MYO18A: variants seen among roughly 807,000 people sequenced by gnomAD.
The protein encoded by MYO18A is unconventional myosin-XVIIIa.
In MYO18A, 78 loss-of-function variants were observed where a neutral mutation model predicts 235.8. That is an observed-to-expected ratio of 0.33 (90% CI 0.28 to 0.40). The LOEUF (loss-of-function observed/expected upper bound fraction) is 0.40. MYO18A is among the 10% of genes least tolerant of loss of function. MYO18A has a pLI of 1.00. For synonymous variants in MYO18A, 977 were observed against 1,077.8 expected, an observed-to-expected ratio of 0.91 and a Z score of 1.83; for missense variants, 2,215 against 2,699.3, an observed-to-expected ratio of 0.82 and a Z score of 3.98.
At chr17:29,085,547 AG>A in intron 40 of MYO18A, 56 bp downstream of exon 40, 1 of 1,549,760 alleles carries the variant, frequency 6.5e-7, no homozygotes, top group African/African-American at 1.4e-5. Context: ...AGCCAGTGTT[AG>A]GGGTGGTTAG....
chr17:29,075,204 C>T (rs1293404016), intron 41 of MYO18A: 1 of 333,050 alleles, frequency 3.0e-6, no homozygotes, highest in Admixed American at 4.0e-5. Flanking sequence ...TCTTAGAAAC[C>T]TTGAATCGCT....
At chr17:29,080,847 A>G (rs8073831) in intron 41 of MYO18A, 565,804 of 985,216 alleles carry the variant, frequency 0.57, 165,569 homozygotes, top group East Asian at 0.89. Context: ...GGGGCCTCTC[A>G]GGGGAGGCCG....
intron 2 of MYO18A, among the ~76,000 whole-genome samples, chr17:29,163,788 C>T (rs1325633562): frequency 6.6e-6 from 1 of 152,244 alleles, no homozygotes; most frequent in East Asian, 1.9e-4. Flanking sequence ...GAGCTGGCAA[C>T]AATCCCCTGG....
At position 29,089,958 on chromosome 17, in the gene MYO18A, C is replaced by G. The variant is rs372792587; in HGVS notation, c.5526+3G>C. On this transcript the variant is annotated splice_donor_region_variant and intron_variant, in intron 37 of 41. Coordinates refer to ENST00000527372, the MANE Select transcript of MYO18A (RefSeq NM_078471.4). ...GTGTGGCCCGGGAGAAGTGTGAACC[C>G]ACCTCCAGCCGTTTCACTTGCGTCC... is the stretch of plus-strand genomic sequence containing the variant. The G allele has an allele frequency of 6.2e-7, 1 of 1,614,012 alleles. No individual in the cohort carries two copies. The highest frequency in any genetic ancestry group is 8.5e-7 in the Non-Finnish European group (1 of 1,179,880).
In MYO18A at chr17:29,111,350, C is replaced by A; in HGVS notation, c.2900+74G>T. 1 of 1,535,766 alleles carries A rather than the reference C, an allele frequency of 6.5e-7. No homozygotes were observed. Among genetic ancestry groups the A allele is most frequent in the South Asian group, 1.2e-5 (1 of 83,566 alleles). On this transcript the variant is annotated intron_variant, in intron 17 of 41. Transcript: ENST00000527372. The surrounding 1 kb of genome is among the most constrained non-coding windows in gnomAD (Gnocchi z 5.1). ...GCTAGTGAGGGGGCCTCTGAGACAA[C>A]CCCAGGGGGAGGGAGCCCCAAAATC... is the stretch of plus-strand genomic sequence containing the variant.
intron 40 of MYO18A, among the ~76,000 whole-genome samples, chr17:29,084,129 G>C (rs1034410191): frequency 6.6e-6 from 1 of 152,146 alleles, no homozygotes; most frequent in Admixed American, 6.5e-5. Flanking sequence ...GCCATCAGCC[G>C]GAACCTGGTT....
At chr17:29,124,372 C>A (rs1414032517) in intron 2 of MYO18A, among the ~76,000 whole-genome samples, 1 of 152,218 alleles carries the variant, frequency 6.6e-6, no homozygotes, top group East Asian at 1.9e-4. Context: ...CCCCCTTGGG[C>A]TCCAGTGGCT....
rs778652284 is a variant in MYO18A at position 29,140,434 on chromosome 17, CCCCGCCCAGTT to C, written c.1000-18192_1000-18182del. The C allele has an allele frequency of 4.8e-5, 61 of 1,258,612 alleles. No individual in the cohort carries two copies. The South Asian group carries it at 7.9e-4, about 16-fold the overall frequency. The allele number at this position is 1,258,612 out of a possible 1,614,324, so 78.0% of individuals were successfully genotyped here. On this transcript the variant is annotated intron_variant, in intron 2 of 41. Coordinates refer to ENST00000527372, the MANE Select transcript of MYO18A (RefSeq NM_078471.4). This position sits in a 1 kb window ranked among gnomAD's most constrained non-coding sequence, Gnocchi z 4.2. ...CAGCTCAAAATAGCACAGGCTGTGG[CCCCGCCCAGTT>C]CCCGCCCTCTCCCCGGCCCCTCCCG...
intron 2 of MYO18A, among the ~76,000 whole-genome samples, chr17:29,133,037 G>T (rs1000143447): frequency 6.6e-6 from 1 of 152,250 alleles, no homozygotes; most frequent in African/African-American, 2.4e-5. Flanking sequence ...GTTAACTTGG[G>T]TGCCGGGGTG....
chr17:29,115,294 G>A, intron 13 of MYO18A, 57 bp downstream of exon 13: 1 of 1,582,312 alleles, frequency 6.3e-7, no homozygotes, highest in Non-Finnish European at 8.7e-7. Flanking sequence ...AGGCATGAAG[G>A]CATCTACTCC....
At chr17:29,094,136 C>T in intron 30 of MYO18A, 46 bp from the exon 31 acceptor site, 2 of 1,394,336 alleles carry the variant, frequency 1.4e-6, no homozygotes, top group South Asian at 2.5e-5. Flanking sequence ...CCAGCTGTGG[C>T]CACCCCCTTC....
chr17:29,124,634 T>TG (rs1234969847), intron 2 of MYO18A: 1 of 1,276,458 alleles, frequency 7.8e-7, no homozygotes, highest in Admixed American at 2.3e-5. Context: ...GGCTCCTGAG[T>TG]GGGGGGAGAG....
intron 28 of MYO18A, 61 bp downstream of exon 28, chr17:29,096,700 G>T (rs1334491449): frequency 7.4e-6 from 11 of 1,476,596 alleles, no homozygotes; most frequent in Non-Finnish European, 9.9e-6. Flanking sequence ...GGGCGAGGAG[G>T]CAGTCCTGTC....
At chr17:29,099,566 C>A in intron 22 of MYO18A, 68 bp downstream of exon 22, 2 of 1,562,838 alleles carry the variant, frequency 1.3e-6, no homozygotes, top group South Asian at 1.2e-5. Context: ...CCCTTATAGC[C>A]CCCACCCCAG....
chr17:29,174,533 T>C (rs1200680106), intron 1 of MYO18A, among the ~76,000 whole-genome samples: 1 of 151,676 alleles, frequency 6.6e-6, no homozygotes. Flanking sequence ...AAAAATAAAA[T>C]GCTGGGCATG....
At chr17:29,092,512 G>A in intron 33 of MYO18A, 56 bp from the exon 34 acceptor site, 1 of 1,427,966 alleles carries the variant, frequency 7.0e-7, no homozygotes, top group South Asian at 1.2e-5. Context: ...CTTGGGGGCA[G>A]GAGGGCTGTA....
chr17:29,083,516 ATGTGTGCGCGCG>A lies in MYO18A; in HGVS notation c.5898-1090_5898-1079del, dbSNP rs1568038520. 9.8e-4 allele frequency among the ~76,000 whole-genome samples: 141 copies of A among 144,294 alleles called. 3 individuals carry two copies. The highest frequency in any genetic ancestry group is 3.5e-3 in the Middle Eastern group (1 of 288). The allele number at this position is 144,294 out of a possible 152,430, so 94.7% of individuals were successfully genotyped here. Reference sequence around the variant, plus strand: ...TTCTTAAATAAACAGCCACACAGGCATGTGTGCGCGCGCGCGCACACACACACACACACACAC... The same window carrying A: ...TTCTTAAATAAACAGCCACACAGGCACGCGCACACACACACACACACACAC... On this transcript the variant is annotated intron_variant, in intron 40 of 41. Transcript: ENST00000527372.
In MYO18A at chr17:29,074,106, C is replaced by T; in HGVS notation, c.*664G>A. Reference sequence around the variant, plus strand: ...AGCACCGGAGAGCCCCTCCGCACCTCATTCTTAAGAACCTGGACCCGGCTC... The same window carrying T: ...AGCACCGGAGAGCCCCTCCGCACCTTATTCTTAAGAACCTGGACCCGGCTC... On this transcript the variant is annotated 3_prime_UTR_variant, in exon 42 of 42. Coordinates refer to ENST00000527372, the MANE Select transcript of MYO18A (RefSeq NM_078471.4). The surrounding 1 kb of genome is among the most constrained non-coding windows in gnomAD (Gnocchi z 4.4). 6.2e-7 allele frequency: 1 copy of T among 1,614,012 alleles called. No individual in the cohort carries two copies. Among genetic ancestry groups the T allele is most frequent in the Non-Finnish European group, 8.5e-7 (1 of 1,180,010 alleles).
chr17:29,160,710 C>A (rs965132266), intron 2 of MYO18A, among the ~76,000 whole-genome samples: 2 of 152,174 alleles, frequency 1.3e-5, no homozygotes, highest in African/African-American at 2.4e-5. Context: ...CCCACCTGAG[C>A]GTGGAGGTGG....
Sources: gnomAD v4.1 joint callset for allele counts (sites outside exome capture counted in the v4.1 genomes callset) on GRCh38, gnomAD v4.1.1 for gene constraint, Gnocchi (gnomAD v3.1) non-coding constraint, MANE v1.5 for transcripts, NCBI Gene and HGNC (gene_info 2026-07-23, HGNC 2026-07-21) for gene names.